The following SLC3A2 variants were observed in gnomAD, a reference collection of about 807,000 sequenced individuals.
SLC3A2 encodes solute carrier family 3 member 2.
A neutral mutation model predicts 48.5 loss-of-function variants in SLC3A2; 32 were observed. That is an observed-to-expected ratio of 0.66 (90% CI 0.50 to 0.89). The LOEUF (loss-of-function observed/expected upper bound fraction) is 0.89, where lower values mean the gene tolerates loss of function less well. Ranked by LOEUF, SLC3A2 falls within the 40% of genes least tolerant of loss-of-function variation. The pLI is 0.00. For missense variants in SLC3A2, 587 were observed against 680.7 expected (o/e 0.86, Z 1.53); for synonymous variants, 277 against 288.8 (o/e 0.96, Z 0.41).
At position 62,881,318 on chromosome 11, in the gene SLC3A2, G is replaced by T. The variant is rs766796469; in HGVS notation, c.295G>T (p.Ala99Ser). 5.7e-6 allele frequency: 9 copies of T among 1,580,688 alleles called. No homozygotes were observed. The highest frequency in any genetic ancestry group is 1.1e-5 in the South Asian group (1 of 87,156). Residue 99 changes from alanine to serine, a missense_variant, in exon 1 of 9, where the codon GCC becomes TCC. Physicochemically the swap from Ala to Ser is moderately conservative, Grantham distance 99. Around this residue, in one of 3 missense-constraint regions of SLC3A2, gnomAD observed 409 missense variants for 446.7 expected, o/e 0.92. Coordinates refer to ENST00000338663, the MANE Select transcript of SLC3A2 (RefSeq NM_001013251.3). This position sits in a 1 kb window ranked among gnomAD's most constrained non-coding sequence, Gnocchi z 4.0. ...CGGCTGGCTCGGCATGCTTGCTGGT[G>T]CCGTGGTCATAATCGTGCGAGCGCC... ...WLGWLGMLAG[A>S]VVIIVRAPRC...
intron 1 of SLC3A2, among the ~76,000 whole-genome samples, chr11:62,864,907 G>A (rs1057479389): frequency 3.9e-5 from 6 of 152,100 alleles, no homozygotes; most frequent in African/African-American, 7.2e-5. Context: ...CCCAGTCCCC[G>A]TTTAAACACT....
At chr11:62,866,497 G>C (rs551016389) in intron 1 of SLC3A2, among the ~76,000 whole-genome samples, 1 of 151,978 alleles carries the variant, frequency 6.6e-6, no homozygotes, top group African/African-American at 2.4e-5. Flanking sequence ...CTGGGTCCAA[G>C]CTACTCTCGT....
chr11:62,859,978 C>T (rs760120185), intron 1 of SLC3A2, among the ~76,000 whole-genome samples: 3 of 152,100 alleles, frequency 2.0e-5, no homozygotes, highest in Non-Finnish European at 4.4e-5. Context: ...ACGGAGGACC[C>T]GCACCAGCAC....
intron 1 of SLC3A2, among the ~76,000 whole-genome samples, chr11:62,874,566 A>T (rs978440676): frequency 1.3e-5 from 2 of 152,086 alleles, no homozygotes; most frequent in African/African-American, 4.8e-5. Flanking sequence ...CCCTTTAGTA[A>T]GACAACCCTG....
At position 62,860,435 on chromosome 11, in the gene SLC3A2, G is replaced by A. The variant is rs180990889; in HGVS notation, c.112+4054G>A. Among the ~76,000 whole-genome samples the A allele has an allele frequency of 9.4e-5, 14 of 149,448 alleles. No individual in the cohort carries two copies. In the East Asian group the frequency reaches 2.0e-3, roughly 21 times the overall value. ...CAGGAGAATGGTGTGAAACCTGGGC[G>A]ACAAGGCGAGACTCTGTCTCAAAAA... is the stretch of plus-strand genomic sequence containing the variant. On this transcript the variant is annotated intron_variant, in intron 1 of 9. Transcript: ENST00000377889.
intron 1 of SLC3A2, among the ~76,000 whole-genome samples, chr11:62,865,342 C>T (rs2085441425): frequency 6.6e-6 from 1 of 152,096 alleles, no homozygotes; most frequent in African/African-American, 2.4e-5. Context: ...CACTTGAGGT[C>T]AGGAGTTTGA....
chr11:62,872,858 TC>T (rs1404903697), intron 1 of SLC3A2, among the ~76,000 whole-genome samples: 2 of 152,196 alleles, frequency 1.3e-5, no homozygotes, highest in Non-Finnish European at 2.9e-5. Context: ...CGCCTTGGCC[TC>T]CCAAAGTGTT....
At position 62,888,477 on chromosome 11, in the gene SLC3A2, G is replaced by C; in HGVS notation, c.1374G>C (p.Gln458His). 6.2e-7 allele frequency: 1 copy of C among 1,614,210 alleles called. No homozygotes were observed. The highest frequency in any genetic ancestry group is 8.5e-7 in the Non-Finnish European group (1 of 1,180,050). The change falls in exon 9 of 9, where the codon CAG becomes CAC. Residue 458 changes from glutamine (Q) to histidine (H), a missense_variant. Transcript: ENST00000338663. ...GLFSYIRHWD[Q>H]NERFLVVLNF... ...TCTCCTATATCCGCCACTGGGACCA[G>C]AATGAGCGTTTTCTGGTAGTGCTTA...
chr11:62,883,863 G>A (rs1375552416), intron 3 of SLC3A2: 2 of 411,786 alleles, frequency 4.9e-6, no homozygotes, highest in Admixed American at 2.7e-5. Flanking sequence ...GTGCAGGACT[G>A]CCAGGATTCC....
At chr11:62,883,308 CTG>C (rs2085666804) in intron 3 of SLC3A2, 1 of 340,758 alleles carries the variant, frequency 2.9e-6, no homozygotes, top group Admixed American at 4.1e-5. Flanking sequence ...AGCCCTTTCT[CTG>C]TGAGAATCCT....
chr11:62,882,084 C>T lies in SLC3A2; in HGVS notation c.598+18C>T. ...AAAAAAGAGTGGGTATCCTGGGGTT[C>T]CCAAGGAAACAGCTAGAAAGGACTT... On this transcript the variant is annotated intron_variant, in intron 2 of 8. Coordinates refer to ENST00000338663, the MANE Select transcript of SLC3A2 (RefSeq NM_001013251.3). 6.2e-7 allele frequency: 1 copy of T among 1,613,814 alleles called. No individual in the cohort carries two copies. The highest frequency in any genetic ancestry group is 8.5e-7 in the Non-Finnish European group (1 of 1,179,846).
chr11:62,858,043 A>C (rs774085060), intron 1 of SLC3A2, among the ~76,000 whole-genome samples: 1 of 152,184 alleles, frequency 6.6e-6, no homozygotes, highest in Non-Finnish European at 1.5e-5. Context: ...TGAATTATAC[A>C]TAGAAAAGAA....
chr11:62,859,796 T>TA (rs72188781), intron 1 of SLC3A2, among the ~76,000 whole-genome samples: 13,604 of 152,158 alleles, frequency 0.089, 774 homozygotes, highest in African/African-American at 0.16. Flanking sequence ...GAGGGCATTT[T>TA]AAAAAAAGTA....
intron 1 of SLC3A2, among the ~76,000 whole-genome samples, chr11:62,860,969 C>T (rs771845261): frequency 2.6e-5 from 4 of 152,184 alleles, no homozygotes; most frequent in East Asian, 1.9e-4. Context: ...TACAGATTAA[C>T]GGTGTTTCAA....
intron 1 of SLC3A2, among the ~76,000 whole-genome samples, chr11:62,858,818 G>A (rs1022939643): frequency 2.0e-5 from 3 of 152,176 alleles, no homozygotes; most frequent in Admixed American, 2.0e-4. Flanking sequence ...AGGATTAAGT[G>A]CTGTGCTTTT....
intron 3 of SLC3A2, 23 bp downstream of exon 3, chr11:62,883,022 G>A (rs2085663239): frequency 6.2e-7 from 1 of 1,606,960 alleles, no homozygotes. Flanking sequence ...GCTGATGGCT[G>A]GTGGAAGTCA....
chr11:62,856,703 C>T (rs2085329440), intron 1 of SLC3A2, among the ~76,000 whole-genome samples: 1 of 152,218 alleles, frequency 6.6e-6, no homozygotes, highest in African/African-American at 2.4e-5. Context: ...TGCTGCAACT[C>T]CTGCCTGATC....
intron 1 of SLC3A2, among the ~76,000 whole-genome samples, chr11:62,858,439 G>A (rs560603): frequency 0.02 from 2,992 of 152,104 alleles, 95 homozygotes; most frequent in African/African-American, 0.068. Context: ...TTTTTTGGCC[G>A]GGCGTGGTGG....
At chr11:62,867,004 G>GT (rs1418914179) in intron 1 of SLC3A2, among the ~76,000 whole-genome samples, 4 of 151,448 alleles carry the variant, frequency 2.6e-5, no homozygotes, top group African/African-American at 7.3e-5. Context: ...TTTTCTTTCT[G>GT]TTTTTTTGAG....
Sources: gnomAD v4.1 joint callset for allele counts (sites outside exome capture counted in the v4.1 genomes callset) on GRCh38, gnomAD v4.1.1 for gene constraint, gnomAD v4.1.1 regional missense constraint, Gnocchi (gnomAD v3.1) non-coding constraint, MANE v1.5 for transcripts, NCBI Gene and HGNC (gene_info 2026-07-23, HGNC 2026-07-21) for gene names.